Variants in POLE2 observed in about 807,000 individuals in gnomAD.
POLE2 encodes the protein DNA polymerase epsilon 2, accessory subunit.
POLE2 carries 56 observed loss-of-function variants against 79.4 expected under a neutral mutation model. That is an observed-to-expected ratio of 0.71 (90% CI 0.57 to 0.88). The LOEUF (loss-of-function observed/expected upper bound fraction) is 0.88, where lower values mean the gene tolerates loss of function less well. Among genes scored for constraint, POLE2 ranks in the 40% least tolerant of loss-of-function variants. The probability of loss-of-function intolerance (pLI) is 0.00; values close to 1 mark genes in which losing one functional copy is unlikely to be tolerated. For missense variants in POLE2, 598 were observed against 638.9 expected (o/e 0.94, Z 0.69); for synonymous variants, 212 against 214.0 (o/e 0.99, Z 0.08).
intron 16 of POLE2, 48 bp downstream of exon 16, chr14:49,651,221 T>G (rs1490082912): frequency 2.5e-6 from 2 of 803,610 alleles, no homozygotes; most frequent in African/African-American, 3.5e-5. Flanking sequence ...TAAAATTTTA[T>G]ATAATGCAAC....
intron 18 of POLE2, among the ~76,000 whole-genome samples, chr14:49,644,325 A>C (rs1883606488): frequency 6.6e-6 from 1 of 151,150 alleles, no homozygotes; most frequent in Non-Finnish European, 1.5e-5. Flanking sequence ...AGCCTGACCA[A>C]CTTGGAGAAA....
chr14:49,647,958 A>G (rs1883906889), intron 17 of POLE2, among the ~76,000 whole-genome samples: 1 of 152,180 alleles, frequency 6.6e-6, no homozygotes, highest in Non-Finnish European at 1.5e-5. Context: ...TGAGGTTGGA[A>G]ATGCTTAGGA....
At chr14:49,675,567 A>G (rs1477847423) in intron 3 of POLE2, among the ~76,000 whole-genome samples, 2 of 151,894 alleles carry the variant, frequency 1.3e-5, no homozygotes, top group African/African-American at 4.8e-5. Flanking sequence ...CTGGGATTAC[A>G]GGCATGTGCC....
At position 49,685,876 on chromosome 14, in the gene POLE2, C is replaced by T. The variant is rs144814095; in HGVS notation, c.69-2183G>A. ...ATTCCTGACCTCGTGATCCGCCCAC[C>T]TCAGCCTCCCAAAGTGCTGGGATTA... On this transcript the variant is annotated intron_variant, in intron 1 of 18. Coordinates refer to ENST00000216367, the MANE Select transcript of POLE2 (RefSeq NM_002692.4). Among the ~76,000 whole-genome samples the T allele has an allele frequency of 1.4e-3, 219 of 152,202 alleles. 1 individual carries two copies. Among genetic ancestry groups the T allele is most frequent in the African/African-American group, 4.7e-3 (197 of 41,504 alleles).
chr14:49,658,394 T>C (rs1884866636), intron 10 of POLE2, among the ~76,000 whole-genome samples: 1 of 152,102 alleles, frequency 6.6e-6, no homozygotes, highest in South Asian at 2.1e-4. Flanking sequence ...CATCTCTTAA[T>C]GAGGCTGAAA....
At chr14:49,672,576 C>T (rs190999705) in intron 5 of POLE2, among the ~76,000 whole-genome samples, 197 of 151,718 alleles carry the variant, frequency 1.3e-3, no homozygotes, top group South Asian at 2.5e-3. Context: ...CTTGGCTCAC[C>T]ATAACCTCCG....
At position 49,654,779 on chromosome 14, in the gene POLE2, A is replaced by G. The variant is rs768830946; in HGVS notation, c.1073+5T>C. On this transcript the variant is annotated splice_donor_5th_base_variant and intron_variant, in intron 13 of 18. Transcript: ENST00000216367. ...GAAAAAATATATAGTGCTAGAGATC[A>G]TTACCTTTGGTGAATATCTGGGTAT... 1.3e-6 allele frequency: 2 copies of G among 1,486,940 alleles called. No homozygotes were observed. The highest frequency in any genetic ancestry group is 1.8e-6 in the Non-Finnish European group (2 of 1,124,506). The allele number at this position is 1,486,940 out of a possible 1,614,324, so 92.1% of individuals were successfully genotyped here.
chr14:49,680,136 G>T (rs1232564994), intron 2 of POLE2, among the ~76,000 whole-genome samples: 1 of 152,182 alleles, frequency 6.6e-6, no homozygotes, highest in Admixed American at 6.5e-5. Context: ...GATGGCTCGA[G>T]CCCAGGAGTT....
Position 49,687,989 on chromosome 14 carries a change from C to A in POLE2, c.68+147G>T, listed in dbSNP as rs752535630. 41 of 654,160 alleles carry A rather than the reference C, an allele frequency of 6.3e-5. No individual in the cohort carries two copies. The East Asian group carries it at 1.2e-3, about 19-fold the overall frequency. 40.5% of individuals were successfully genotyped at this position (654,160 alleles called of 1,614,324 possible). ...CTGGGATTACAAGCGTGAGCCACCG[C>A]GCCCGACCGCTTCTTAGAACTCTGA... is the stretch of plus-strand genomic sequence containing the variant. On this transcript the variant is annotated intron_variant, in intron 1 of 18. Transcript: ENST00000216367.
chr14:49,671,581 C>T (rs1428617265), intron 5 of POLE2, among the ~76,000 whole-genome samples: 1 of 145,080 alleles, frequency 6.9e-6, no homozygotes, highest in Non-Finnish European at 1.5e-5. Context: ...TGCGCCACTG[C>T]ACTCAAGCCT....
At chr14:49,645,657 C>T (rs7146822) in intron 18 of POLE2, among the ~76,000 whole-genome samples, 34,690 of 152,128 alleles carry the variant, frequency 0.23, 4,249 homozygotes, top group Admixed American at 0.3. Flanking sequence ...TGACAGCTGT[C>T]ACCCAGGCTG....
chr14:49,665,318 G>A (rs971018150), intron 7 of POLE2, among the ~76,000 whole-genome samples, 155 bp from the exon 8 acceptor site: 3 of 152,200 alleles, frequency 2.0e-5, no homozygotes, highest in African/African-American at 7.2e-5. Context: ...CCATTTACTA[G>A]TCTGATAACC....
chr14:49,687,066 T>G (rs140252290), intron 1 of POLE2, among the ~76,000 whole-genome samples: 1 of 152,088 alleles, frequency 6.6e-6, no homozygotes, highest in Non-Finnish European at 1.5e-5. Flanking sequence ...CGAGGACTAC[T>G]TGAGCCCAGG....
chr14:49,646,003 A>G (rs1286121226), intron 18 of POLE2, among the ~76,000 whole-genome samples: 1 of 152,146 alleles, frequency 6.6e-6, no homozygotes, highest in Non-Finnish European at 1.5e-5. Context: ...AGTGGATAAG[A>G]CTGTATGCTC....
chr14:49,658,313 T>C (rs1026885940), intron 10 of POLE2, among the ~76,000 whole-genome samples: 18 of 152,206 alleles, frequency 1.2e-4, no homozygotes, highest in Admixed American at 7.9e-4. Flanking sequence ...CCTGACCTCG[T>C]GATCCGCCCG....
At chr14:49,687,792 C>G (rs904932722) in intron 1 of POLE2, among the ~76,000 whole-genome samples, 3 of 151,986 alleles carry the variant, frequency 2.0e-5, no homozygotes, top group Non-Finnish European at 4.4e-5. Flanking sequence ...CTCCTCCTCC[C>G]GGGTTCAAGC....
Position 49,679,601 on chromosome 14 carries a change from C to T in POLE2, c.245+124G>A, listed in dbSNP as rs1035695584. On this transcript the variant is annotated intron_variant, in intron 3 of 18. Transcript: ENST00000216367. Reference sequence around the variant, plus strand: ...AAGAAAGCCATTATTTAAAAAGACACACAGAAATAACAACAGTAATCACTG... The same window carrying T: ...AAGAAAGCCATTATTTAAAAAGACATACAGAAATAACAACAGTAATCACTG... The T allele has an allele frequency of 1.1e-5, 6 of 550,012 alleles. No individual in the cohort carries two copies. In the Admixed American group the frequency reaches 2.1e-4, roughly 19 times the overall value. 34.1% of individuals were successfully genotyped at this position (550,012 alleles called of 1,614,324 possible). A position where few individuals can be genotyped will look rare whatever the true frequency, so the allele number is the denominator to read the frequency against.
intron 5 of POLE2, among the ~76,000 whole-genome samples, chr14:49,669,941 C>T (rs1197040486): frequency 6.6e-6 from 1 of 152,052 alleles, no homozygotes; most frequent in Non-Finnish European, 1.5e-5. Context: ...GCTGACTGTA[C>T]CCCAGGCCAA....
At chr14:49,668,625 A>C (rs1885661420) in intron 6 of POLE2, among the ~76,000 whole-genome samples, 1 of 152,198 alleles carries the variant, frequency 6.6e-6, no homozygotes, top group South Asian at 2.1e-4. Context: ...TGAAAAGAAT[A>C]ATTATTTAGT....
Sources: allele counts gnomAD v4.1 joint callset (sites outside exome capture counted in the v4.1 genomes callset), GRCh38; gene constraint gnomAD v4.1.1; transcripts MANE v1.5; gene names NCBI Gene and HGNC (gene_info 2026-07-23, HGNC 2026-07-21).